Variants in NPNT observed in about 807,000 individuals in gnomAD.
NPNT encodes nephronectin, also known as preosteoblast EGF-like repeat protein with MAM domain.
Under a neutral mutation model 68.6 loss-of-function variants are expected in NPNT, and 45 were observed. That is an observed-to-expected ratio of 0.66 (90% CI 0.52 to 0.84). The LOEUF is 0.84. Among genes scored for constraint, NPNT ranks in the 40% least tolerant of loss-of-function variants. NPNT has a pLI of 0.00. For missense variants in NPNT, 672 were observed against 714.8 expected (o/e 0.94, Z 0.68); for synonymous variants, 233 against 253.3 (o/e 0.92, Z 0.76).
intron 2 of NPNT, 38 bp downstream of exon 2, chr4:105,898,039 G>C: frequency 7.1e-7 from 1 of 1,404,412 alleles, no homozygotes; most frequent in Non-Finnish European, 9.8e-7. Context: ...TCCCTGGGAG[G>C]TGTGGCTTTC....
intron 1 of NPNT, among the ~76,000 whole-genome samples, chr4:105,896,209 G>C (rs1196753849): frequency 1.3e-5 from 2 of 152,192 alleles, no homozygotes; most frequent in Non-Finnish European, 2.9e-5. Flanking sequence ...CAGCGACTGG[G>C]CTACGGGGGA....
intron 2 of NPNT, among the ~76,000 whole-genome samples, chr4:105,905,085 T>C (rs1300910053): frequency 6.6e-6 from 1 of 151,818 alleles, no homozygotes; most frequent in Admixed American, 6.6e-5. Context: ...TTTTTTTTTT[T>C]CTAGACTTAT....
At chr4:105,898,312 G>GTCTCTCTCTCTC (rs1386038909) in intron 2 of NPNT, among the ~76,000 whole-genome samples, 1 of 39,164 alleles carries the variant, frequency 2.6e-5, no homozygotes, top group Non-Finnish European at 5.6e-5. Flanking sequence ...CTCTCTCTCT[G>GTCTCTCTCTCTC]TCTCTCTCTC....
intron 3 of NPNT, chr4:105,932,819 T>C: frequency 6.1e-6 from 4 of 653,168 alleles, no homozygotes; most frequent in Non-Finnish European, 1.0e-5. Flanking sequence ...CCTTCAGCCC[T>C]GAGCATGAGC....
intron 2 of NPNT, among the ~76,000 whole-genome samples, chr4:105,905,914 C>T (rs1225875996): frequency 6.6e-6 from 1 of 152,126 alleles, no homozygotes; most frequent in East Asian, 1.9e-4. Flanking sequence ...TCTGTTCAGT[C>T]ATCTTCTATT....
chr4:105,899,651 C>T (rs973796740), intron 2 of NPNT, among the ~76,000 whole-genome samples: 5 of 152,202 alleles, frequency 3.3e-5, no homozygotes, highest in Admixed American at 6.5e-5. Flanking sequence ...TATGTTTATA[C>T]TTCCAAAATC....
At chr4:105,940,466 A>G (rs1327314970) in intron 6 of NPNT, 48 bp from the exon 7 acceptor site, 2 of 1,551,372 alleles carry the variant, frequency 1.3e-6, no homozygotes, top group East Asian at 4.5e-5. Flanking sequence ...TTATGTCATC[A>G]TATTTATCTC....
chr4:105,913,781 G>A (rs906904968), intron 2 of NPNT, among the ~76,000 whole-genome samples: 1 of 152,142 alleles, frequency 6.6e-6, no homozygotes, highest in Admixed American at 6.6e-5. Context: ...TCATGGGATA[G>A]TTTTCTGTGC....
intron 3 of NPNT, chr4:105,932,513 C>A: frequency 3.0e-6 from 2 of 673,218 alleles, no homozygotes; most frequent in Non-Finnish European, 5.1e-6. Flanking sequence ...TAAACTCTAC[C>A]AACTGTATGT....
chr4:105,938,845 T>C (rs1245274511), intron 5 of NPNT, among the ~76,000 whole-genome samples: 1 of 152,224 alleles, frequency 6.6e-6, no homozygotes, highest in East Asian at 1.9e-4. Flanking sequence ...GTCTGGACTT[T>C]GGTTTTAAAC....
chr4:105,926,070 G>A (rs1197912038), intron 2 of NPNT, among the ~76,000 whole-genome samples: 1 of 152,022 alleles, frequency 6.6e-6, no homozygotes, highest in Non-Finnish European at 1.5e-5. Flanking sequence ...ACTAAACAGC[G>A]GCTTACTTGC....
chr4:105,929,911 C>T (rs1728980594), intron 3 of NPNT, among the ~76,000 whole-genome samples: 1 of 151,956 alleles, frequency 6.6e-6, no homozygotes, highest in Admixed American at 6.6e-5. Flanking sequence ...TCCTGTAACA[C>T]ATACCTATTT....
chr4:105,945,906 T>A (rs1414069267), intron 8 of NPNT, among the ~76,000 whole-genome samples: 1 of 152,236 alleles, frequency 6.6e-6, no homozygotes, highest in Non-Finnish European at 1.5e-5. Flanking sequence ...ACAAATTTTT[T>A]AATGTTAGCA....
intron 2 of NPNT, chr4:105,911,837 G>T (rs1020684279): frequency 8.9e-6 from 2 of 225,432 alleles, no homozygotes; most frequent in South Asian, 5.9e-5. Flanking sequence ...TAAATAAAAG[G>T]ATACTGTCTC....
rs750971009 is a variant in NPNT, at chr4:105,927,423, A to T, written c.260A>T (p.Asn87Ile). ...CHPGYAGKTC[N>I]QDLNECGLKP... ...CCTGGTTATGCTGGAAAAACCTGTA[A>T]TCAAGGTAGGAAAACAGTCTGACAT... The change falls in exon 3 of 12, where the codon AAT (asparagine) becomes ATT (isoleucine). Residue 87 changes from asparagine (N) to isoleucine (I), a missense_variant. Coordinates refer to ENST00000379987, the MANE Select transcript of NPNT (RefSeq NM_001033047.3). 1 of 1,600,222 alleles carries T rather than the reference A, an allele frequency of 6.2e-7. No individual in the cohort carries two copies. Among genetic ancestry groups the T allele is most frequent in the Middle Eastern group, 1.7e-4 (1 of 6,034 alleles).
At chr4:105,939,965 T>G in intron 5 of NPNT, 110 bp from the exon 6 acceptor site, 11 of 857,626 alleles carry the variant, frequency 1.3e-5, no homozygotes, top group Non-Finnish European at 1.9e-5. Flanking sequence ...CCGTTTATGA[T>G]GAGCCACTAT....
chr4:105,917,150 G>A (rs1335166827), intron 2 of NPNT, among the ~76,000 whole-genome samples: 1 of 152,152 alleles, frequency 6.6e-6, no homozygotes, highest in African/African-American at 2.4e-5. Context: ...TTGAGTAGAA[G>A]CCTTTTCAGG....
At chr4:105,937,794 T>C (rs1452315275) in intron 4 of NPNT, among the ~76,000 whole-genome samples, 1 of 152,198 alleles carries the variant, frequency 6.6e-6, no homozygotes, top group African/African-American at 2.4e-5. Context: ...TCATATGATA[T>C]CTGACAATTA....
chr4:105,926,716 A>G (rs1399083633), intron 2 of NPNT, among the ~76,000 whole-genome samples: 1 of 152,164 alleles, frequency 6.6e-6, no homozygotes. Flanking sequence ...AGAACGTCCT[A>G]TTTGCTATGT....
Sources: allele counts gnomAD v4.1 joint callset (sites outside exome capture counted in the v4.1 genomes callset), GRCh38; gene constraint gnomAD v4.1.1; transcripts MANE v1.5; gene names NCBI Gene and HGNC (gene_info 2026-07-23, HGNC 2026-07-21).